The following ARF1 variants were observed in gnomAD, a reference collection of about 807,000 sequenced individuals.
The protein encoded by ARF1 is ADP-ribosylation factor 1.
Under a neutral mutation model 18.0 loss-of-function variants are expected in ARF1, and 1 was observed. The ratio of observed to expected loss-of-function variants is 0.06; its 90% CI spans 0.02 to 0.26. The LOEUF is 0.26. ARF1 is among the 10% of genes least tolerant of loss of function. ARF1 has a pLI of 1.00. For missense variants in ARF1, 73 were observed against 247.2 expected (o/e 0.30, Z 4.73); for synonymous variants, 112 against 96.3 (o/e 1.16, Z -0.95).
intron 1 of ARF1, among the ~76,000 whole-genome samples, chr1:228,095,966 C>A (rs1242733178): frequency 6.6e-6 from 1 of 152,170 alleles, no homozygotes; most frequent in Non-Finnish European, 1.5e-5. Flanking sequence ...GCAAAGTGTC[C>A]AAAGGACACT....
chr1:228,093,054 A>G (rs1158578473), intron 1 of ARF1, among the ~76,000 whole-genome samples: 1 of 152,160 alleles, frequency 6.6e-6, no homozygotes, highest in Non-Finnish European at 1.5e-5. Context: ...TGGTCAGGAA[A>G]GAGAAGTAGC....
intron 1 of ARF1, among the ~76,000 whole-genome samples, chr1:228,096,275 C>G (rs2032743356): frequency 1.3e-5 from 2 of 152,262 alleles, no homozygotes; most frequent in Admixed American, 1.3e-4. Context: ...CTCTTGAAGG[C>G]AGAAGCCTTC....
At chr1:228,085,025 C>A (rs1280626991) in intron 1 of ARF1, among the ~76,000 whole-genome samples, 1 of 152,246 alleles carries the variant, frequency 6.6e-6, no homozygotes, top group African/African-American at 2.4e-5. Flanking sequence ...CTCCCCTTGA[C>A]CTTTCACCTC....
intron 1 of ARF1, among the ~76,000 whole-genome samples, chr1:228,084,293 C>T (rs936802316): frequency 4.6e-5 from 7 of 152,252 alleles, no homozygotes; most frequent in Non-Finnish European, 8.8e-5. Context: ...AAATGTTAGT[C>T]ACACATCTCA....
Position 228,097,709 on chromosome 1 carries a change from C to T in ARF1, c.378C>T (p.Asn126=). The T allele has an allele frequency of 6.2e-7, 1 of 1,608,504 alleles. No homozygotes were observed. Among genetic ancestry groups the T allele is most frequent in the Non-Finnish European group, 8.5e-7 (1 of 1,176,580 alleles). The part of the protein sequence containing the change: ...LRDAVLLVFA[N]KQDLPNAMNA... ...ATGCTGTCCTCCTGGTGTTCGCCAA[C>T]AAGCAGGTAGGCGCCCGGGCCAGCC... The change falls in exon 4 of 5, where the codon AAC becomes AAT. Residue 126 remains asparagine, a synonymous_variant. Transcript: ENST00000272102. This position sits in a 1 kb window ranked among gnomAD's most constrained non-coding sequence, Gnocchi z 8.1.
intron 1 of ARF1, among the ~76,000 whole-genome samples, chr1:228,092,862 AT>A (rs2032617394): frequency 6.6e-6 from 1 of 152,062 alleles, no homozygotes. Context: ...ACAGAGCTAC[AT>A]TTTCTCCCTG....
In ARF1 at chr1:228,098,997, A is replaced by C. The variant is rs934906415; in HGVS notation, c.*984A>C. The C allele has an allele frequency of 1.3e-5, 2 of 152,512 alleles. No individual in the cohort carries two copies. Among genetic ancestry groups the C allele is most frequent in the African/African-American group, 4.8e-5 (2 of 41,402 alleles). 9.4% of individuals were successfully genotyped at this position (152,512 alleles called of 1,614,324 possible). ...TTTGCCATCGAAAAAGACAACCTCT[A>C]CTTTTTTCTTTTGTATTTTGATAAA... On this transcript the variant is annotated 3_prime_UTR_variant, in exon 5 of 5. Transcript: ENST00000272102.
chr1:228,097,147 C>T lies in ARF1; in HGVS notation c.33C>T (p.Gly11=), dbSNP rs771191633. The T allele has an allele frequency of 1.2e-6, 2 of 1,612,490 alleles. No individual in the cohort carries two copies. Among genetic ancestry groups the T allele is most frequent in the South Asian group, 1.1e-5 (1 of 90,726 alleles). The stretch of plus-strand genomic sequence containing the variant: ...ACATCTTCGCCAACCTCTTCAAGGG[C>T]CTTTTTGGCAAAAAAGAAATGCGCA... MGNIFANLFK[G]LFGKKEMRIL... The change falls in exon 2 of 5, where the codon GGC becomes GGT. Residue 11 remains glycine (G), a synonymous_variant. Transcript: ENST00000272102. The surrounding 1 kb of genome is among the most constrained non-coding windows in gnomAD (Gnocchi z 8.1).
At position 228,089,578 on chromosome 1, in the gene ARF1, A is replaced by G. The variant is rs2032510486; in HGVS notation, c.-38+6813A>G. ...AAATGAACGTTTCTTGAAGGCAGAA[A>G]TCAAGTTTTAGGCATTGGCTCAATC... On this transcript the variant is annotated intron_variant, in intron 1 of 4. Coordinates refer to ENST00000272102, the MANE Select transcript of ARF1 (RefSeq NM_001658.4). The surrounding 1 kb of genome is among the most constrained non-coding windows in gnomAD (Gnocchi z 4.1). 6.6e-6 allele frequency among the ~76,000 whole-genome samples: 1 copy of G among 152,202 alleles called. No individual in the cohort carries two copies. Among genetic ancestry groups the G allele is most frequent in the Admixed American group, 6.5e-5 (1 of 15,292 alleles).
intron 1 of ARF1, among the ~76,000 whole-genome samples, chr1:228,086,982 A>G (rs1489558171): frequency 6.6e-6 from 1 of 152,102 alleles, no homozygotes; most frequent in Non-Finnish European, 1.5e-5. Context: ...GTAGGGAGAA[A>G]CCCCTGCTCA....
rs753396348 is a variant in ARF1 at position 228,097,394 on chromosome 1, C to T, written c.201C>T (p.Asp67=). The change falls in exon 3 of 5, where the codon GAC becomes GAT. Residue 67 remains aspartate, a synonymous_variant. Coordinates refer to ENST00000272102, the MANE Select transcript of ARF1 (RefSeq NM_001658.4). This position sits in a 1 kb window ranked among gnomAD's most constrained non-coding sequence, Gnocchi z 8.1. ...AGAACATCAGCTTCACTGTGTGGGA[C>T]GTGGGTGGCCAGGACAAGATCCGGC... ...EYKNISFTVW[D]VGGQDKIRPL... 3.2e-5 allele frequency: 52 copies of T among 1,614,192 alleles called. No homozygotes were observed. Among genetic ancestry groups the T allele is most frequent in the Admixed American group, 1.3e-4 (8 of 60,032 alleles).
At chr1:228,087,970 T>A (rs78044256) in intron 1 of ARF1, 2,146 of 152,356 alleles carry the variant, frequency 0.014, 21 homozygotes, top group Non-Finnish European at 0.022. Context: ...ATGGGCCTGA[T>A]AAACATTCTT....
At position 228,097,544 on chromosome 1, in the gene ARF1, CA is replaced by C. The variant is rs754859607; in HGVS notation, c.260-46del. ...GGGGCATCGATGCCCATAGATGCGG[CA>C]GGGGGGCTGTGTTCCCATGACCATT... On this transcript the variant is annotated intron_variant, in intron 3 of 4. Transcript: ENST00000272102. The surrounding 1 kb of genome is among the most constrained non-coding windows in gnomAD (Gnocchi z 8.1). The C allele has an allele frequency of 3.7e-6, 6 of 1,613,754 alleles. No individual in the cohort carries two copies. Among genetic ancestry groups the C allele is most frequent in the Admixed American group, 3.3e-5 (2 of 60,008 alleles).
Position 228,097,373 on chromosome 1 carries a change from C to T in ARF1, c.180C>T (p.Asn60=), listed in dbSNP as rs760445481. 6.2e-7 allele frequency: 1 copy of T among 1,614,204 alleles called. No homozygotes were observed. Among genetic ancestry groups the T allele is most frequent in the Non-Finnish European group, 8.5e-7 (1 of 1,180,024 alleles). Residue 60 remains asparagine (N), a synonymous_variant, in exon 3 of 5, where the codon AAC becomes AAT. Transcript: ENST00000272102. The surrounding 1 kb of genome is among the most constrained non-coding windows in gnomAD (Gnocchi z 8.1). ...ACGTGGAAACCGTGGAGTACAAGAA[C>T]ATCAGCTTCACTGTGTGGGACGTGG... The part of the protein sequence containing the change: ...GFNVETVEYK[N]ISFTVWDVGG...
At position 228,088,433 on chromosome 1, in the gene ARF1, A is replaced by G. The variant is rs559809416; in HGVS notation, c.-38+5668A>G. Reference sequence around the variant, plus strand: ...TGTGGTGGCATTTTTGGGTGGCAGCACTGGCACCTTTGGCAGTGGCAAGAA... The same window carrying G: ...TGTGGTGGCATTTTTGGGTGGCAGCGCTGGCACCTTTGGCAGTGGCAAGAA... On this transcript the variant is annotated intron_variant, in intron 1 of 4. Coordinates refer to ENST00000272102, the MANE Select transcript of ARF1 (RefSeq NM_001658.4). 2.2e-3 allele frequency among the ~76,000 whole-genome samples: 336 copies of G among 152,244 alleles called. 1 individual carries two copies. The highest frequency in any genetic ancestry group is 7.7e-3 in the African/African-American group (320 of 41,538).
rs772867236 is a variant in ARF1, at chr1:228,097,370, G to A, written c.177G>A (p.Lys59=). Residue 59 remains lysine (K), a synonymous_variant, in exon 3 of 5, where the codon AAG becomes AAA. Coordinates refer to ENST00000272102, the MANE Select transcript of ARF1 (RefSeq NM_001658.4). This position sits in a 1 kb window ranked among gnomAD's most constrained non-coding sequence, Gnocchi z 8.1. ...IGFNVETVEY[K]NISFTVWDVG... Reference sequence around the variant, plus strand: ...TCAACGTGGAAACCGTGGAGTACAAGAACATCAGCTTCACTGTGTGGGACG... The same window carrying A: ...TCAACGTGGAAACCGTGGAGTACAAAAACATCAGCTTCACTGTGTGGGACG... The A allele has an allele frequency of 1.2e-5, 20 of 1,614,082 alleles. No homozygotes were observed. The South Asian group carries it at 2.0e-4, about 16-fold the overall frequency.
Position 228,097,141 on chromosome 1 carries a change from C to A in ARF1, c.27C>A (p.Phe9Leu). The stretch of plus-strand genomic sequence containing the variant: ...TGGGGAACATCTTCGCCAACCTCTT[C>A]AAGGGCCTTTTTGGCAAAAAAGAAA... The part of the protein sequence containing the change: MGNIFANL[F>L]KGLFGKKEMR... The change falls in exon 2 of 5, where the codon TTC becomes TTA. Residue 9 changes from phenylalanine to leucine, a missense_variant. Coordinates refer to ENST00000272102, the MANE Select transcript of ARF1 (RefSeq NM_001658.4). This position sits in a 1 kb window ranked among gnomAD's most constrained non-coding sequence, Gnocchi z 8.1. The A allele has an allele frequency of 6.2e-7, 1 of 1,611,454 alleles. No homozygotes were observed. The highest frequency in any genetic ancestry group is 8.5e-7 in the Non-Finnish European group (1 of 1,178,628).
Position 228,098,885 on chromosome 1 carries a change from G to T in ARF1, c.*872G>T, listed in dbSNP as rs2032855708. ...GCAGGAGCGCGTGCAAGCCGGGCAGGCGGTCCACCTAGACCCACAGCCCCT... is the reference window on the plus strand; with the variant it reads ...GCAGGAGCGCGTGCAAGCCGGGCAGTCGGTCCACCTAGACCCACAGCCCCT... On this transcript the variant is annotated 3_prime_UTR_variant, in exon 5 of 5. Transcript: ENST00000272102. 6.5e-6 allele frequency: 1 copy of T among 152,692 alleles called. No individual in the cohort carries two copies. The highest frequency in any genetic ancestry group is 2.1e-4 in the South Asian group (1 of 4,836). 9.5% of individuals were successfully genotyped at this position (152,692 alleles called of 1,614,324 possible).
intron 1 of ARF1, among the ~76,000 whole-genome samples, chr1:228,084,835 G>C (rs1428423571): frequency 1.3e-5 from 2 of 152,254 alleles, no homozygotes; most frequent in African/African-American, 4.8e-5. Flanking sequence ...AACTGAAGCA[G>C]TTCTTTTTAG....
Sources: allele counts gnomAD v4.1 joint callset (sites outside exome capture counted in the v4.1 genomes callset), GRCh38; gene constraint gnomAD v4.1.1; non-coding constraint Gnocchi (gnomAD v3.1); transcripts MANE v1.5; gene names NCBI Gene and HGNC (gene_info 2026-07-23, HGNC 2026-07-21).